Variants in HDX observed in about 807,000 individuals in gnomAD.
HDX encodes chromosome X open reading frame 43.
Under a neutral mutation model 45.2 loss-of-function variants are expected in HDX, and 19 were observed. The observed-to-expected ratio is 0.42, with a 90% CI of 0.29 to 0.62. The LOEUF (loss-of-function observed/expected upper bound fraction) is 0.62, where lower values mean the gene tolerates loss of function less well. Ranked by LOEUF, HDX falls within the 20% of genes least tolerant of loss-of-function variation. The probability of loss-of-function intolerance (pLI) is 0.20; values close to 1 mark genes in which losing one functional copy is unlikely to be tolerated. For missense variants in HDX, 532 were observed against 493.9 expected, an observed-to-expected ratio of 1.08 and a Z score of -0.73; for synonymous variants, 188 against 172.8, an observed-to-expected ratio of 1.09 and a Z score of -0.69.
chrX:84,406,472 A>G (rs1369423218), intron 5 of HDX, among the ~76,000 whole-genome samples: 3 of 19,357 alleles, frequency 1.5e-4, no homozygotes, highest in African/African-American at 3.6e-4. Flanking sequence ...TCTCACATAC[A>G]CACACACACA....
At chrX:84,358,979 T>C (rs183941672) in intron 6 of HDX, among the ~76,000 whole-genome samples, 41 of 111,359 alleles carry the variant, frequency 3.7e-4, no homozygotes, top group African/African-American at 1.3e-3. Context: ...TCTTCCCAAC[T>C]CTGTGTTGAG....
chrX:84,440,385 T>G (rs974002358), intron 5 of HDX, 147 bp downstream of exon 5: 4 of 451,497 alleles, frequency 8.9e-6, no homozygotes, highest in Non-Finnish European at 1.5e-5. Flanking sequence ...GTAAATATTA[T>G]GATCTTGAAA....
chrX:84,428,434 C>T (rs895204683), intron 5 of HDX, among the ~76,000 whole-genome samples: 13 of 110,869 alleles, frequency 1.2e-4, no homozygotes, highest in African/African-American at 3.9e-4. Context: ...CATTCCCATC[C>T]CTAGCCCCAG....
intron 5 of HDX, among the ~76,000 whole-genome samples, chrX:84,385,966 T>A (rs58067411): frequency 0.35 from 37,123 of 105,328 alleles, 5,370 homozygotes; most frequent in South Asian, 0.48. Flanking sequence ...GCTTTTGCCC[T>A]TTCAATATTT....
intron 5 of HDX, among the ~76,000 whole-genome samples, chrX:84,397,323 T>C (rs1022185842): frequency 1.8e-5 from 2 of 111,631 alleles, no homozygotes; most frequent in Non-Finnish European, 3.8e-5. Flanking sequence ...AGTCTTGGGA[T>C]CTGGGATCTC....
chrX:84,395,375 C>A (rs2038537547), intron 5 of HDX, among the ~76,000 whole-genome samples: 1 of 108,814 alleles, frequency 9.2e-6, no homozygotes, highest in Admixed American at 9.9e-5. Context: ...TTTTTTTTCC[C>A]CAATACTTTA....
At chrX:84,349,359 T>G (rs1989776298) in intron 6 of HDX, among the ~76,000 whole-genome samples, 1 of 107,248 alleles carries the variant, frequency 9.3e-6, no homozygotes, top group South Asian at 4.1e-4. Flanking sequence ...GAAGTCCAAT[T>G]TCATTTTATT....
At chrX:84,328,611 G>A (rs1293350837) in intron 9 of HDX, among the ~76,000 whole-genome samples, 4 of 111,159 alleles carry the variant, frequency 3.6e-5, no homozygotes, top group Admixed American at 9.6e-5. Context: ...CAATAAGCAC[G>A]TCAAAATATG....
chrX:84,471,269 A>ATAGG (rs1434336030), intron 3 of HDX, among the ~76,000 whole-genome samples: 1 of 108,645 alleles, frequency 9.2e-6, no homozygotes, highest in African/African-American at 3.3e-5. Flanking sequence ...AGATAGATAG[A>ATAGG]TAGATAGATA....
At chrX:84,411,682 C>T (rs1452374840) in intron 5 of HDX, among the ~76,000 whole-genome samples, 5 of 111,187 alleles carry the variant, frequency 4.5e-5, no homozygotes, top group African/African-American at 9.8e-5. Flanking sequence ...TATTAATCAA[C>T]GTGATTAAGT....
At chrX:84,375,000 C>T (rs1279112772) in intron 5 of HDX, among the ~76,000 whole-genome samples, 5 of 106,303 alleles carry the variant, frequency 4.7e-5, no homozygotes, top group African/African-American at 1.4e-4. Flanking sequence ...ACTCATCTGA[C>T]AAAGGGCTAA....
intron 9 of HDX, among the ~76,000 whole-genome samples, chrX:84,330,974 T>A (rs755612902): frequency 1.8e-5 from 2 of 111,386 alleles, no homozygotes; most frequent in East Asian, 5.7e-4. Flanking sequence ...TAAAACAAGA[T>A]CTATCTTATT....
intron 5 of HDX, among the ~76,000 whole-genome samples, chrX:84,434,599 A>C (rs1271272410): frequency 9.0e-6 from 1 of 110,997 alleles, no homozygotes; most frequent in Non-Finnish European, 1.9e-5. Context: ...TTTTGTATCT[A>C]TGTTCTTCAG....
intron 1 of HDX, among the ~76,000 whole-genome samples, chrX:84,497,285 A>C (rs1278306606): frequency 2.7e-5 from 3 of 112,106 alleles, no homozygotes; most frequent in Non-Finnish European, 5.6e-5. Flanking sequence ...GAAAGGGCAA[A>C]GCTATTTTGA....
At chrX:84,420,866 A>T (rs2148010888) in intron 5 of HDX, among the ~76,000 whole-genome samples, 1 of 112,058 alleles carries the variant, frequency 8.9e-6, no homozygotes, top group South Asian at 3.7e-4. Flanking sequence ...AGGAAAAAAC[A>T]AAAACAAACA....
chrX:84,360,096 C>A (rs1196069551), intron 6 of HDX, among the ~76,000 whole-genome samples: 1 of 111,720 alleles, frequency 9.0e-6, no homozygotes, highest in Non-Finnish European at 1.9e-5. Context: ...AAAAAACAAA[C>A]AACCCCATTA....
chrX:84,368,135 G>C (rs984001456), intron 5 of HDX, among the ~76,000 whole-genome samples: 1 of 111,304 alleles, frequency 9.0e-6, no homozygotes, highest in African/African-American at 3.3e-5. Context: ...TGAAAACATA[G>C]CTTCTTATTT....
At chrX:84,421,668 G>A (rs4367718) in intron 5 of HDX, among the ~76,000 whole-genome samples, 7,516 of 106,428 alleles carry the variant, frequency 0.071, 319 homozygotes, top group African/African-American at 0.16. Flanking sequence ...TGTTGCTTAC[G>A]AGAAACACCA....
intron 5 of HDX, among the ~76,000 whole-genome samples, chrX:84,399,596 C>G (rs975708843): frequency 1.8e-5 from 2 of 110,998 alleles, no homozygotes; most frequent in African/African-American, 3.3e-5. Context: ...AAAAAAAGCC[C>G]AAGAGCAGAC....
Sources: allele counts gnomAD v4.1 joint callset (sites outside exome capture counted in the v4.1 genomes callset), GRCh38; gene constraint gnomAD v4.1.1; transcripts MANE v1.5; gene names NCBI Gene and HGNC (gene_info 2026-07-23, HGNC 2026-07-21).